Variants in KCNH7 observed in about 807,000 individuals in gnomAD.
KCNH7 encodes the protein potassium voltage-gated channel subfamily H member 7, also known as voltage-gated inwardly rectifying potassium channel KCNH7.
A neutral mutation model predicts 120.8 loss-of-function variants in KCNH7; 49 were observed. The observed-to-expected ratio is 0.41, with a 90% confidence interval of 0.32 to 0.51. The LOEUF (loss-of-function observed/expected upper bound fraction) is 0.51, where lower values mean the gene tolerates loss of function less well. Ranked by LOEUF, KCNH7 falls within the 20% of genes least tolerant of loss-of-function variation. The pLI, the probability that KCNH7 is intolerant of heterozygous loss-of-function variation, is 0.38. For synonymous variants in KCNH7, 547 were observed against 516.1 expected, an observed-to-expected ratio of 1.06 and a Z score of -0.81; for missense variants, 1,097 against 1,446.6, an observed-to-expected ratio of 0.76 and a Z score of 3.92.
chr2:162,646,070 T>C (rs1296199190), intron 2 of KCNH7, among the ~76,000 whole-genome samples: 2 of 152,222 alleles, frequency 1.3e-5, no homozygotes, highest in Non-Finnish European at 2.9e-5. Context: ...GAACTAGTTT[T>C]GTCAACTCAG....
At position 162,617,490 on chromosome 2, in the gene KCNH7, CA is replaced by C. The variant is rs113194420; in HGVS notation, c.308-80411del. Among the ~76,000 whole-genome samples the C allele has an allele frequency of 1.8e-3, 265 of 147,278 alleles. 1 individual carries two copies. Among genetic ancestry groups the C allele is most frequent in the East Asian group, 5.3e-3 (27 of 5,078 alleles). On this transcript the variant is annotated intron_variant, in intron 2 of 15. Coordinates refer to ENST00000332142, the MANE Select transcript of KCNH7 (RefSeq NM_033272.4). ...CGAGATTCCATCTCAAAAAACAAAA[CA>C]AAAAAAAAATAGAATTTAGAAAAGC... is the stretch of plus-strand genomic sequence containing the variant.
At chr2:162,637,766 T>A (rs1684012959) in intron 2 of KCNH7, among the ~76,000 whole-genome samples, 2 of 152,042 alleles carry the variant, frequency 1.3e-5, no homozygotes, top group Admixed American at 1.3e-4. Flanking sequence ...CTCTATCTGA[T>A]CTTGGGAAGA....
At chr2:162,790,203 A>G (rs1247576261) in intron 2 of KCNH7, among the ~76,000 whole-genome samples, 1 of 151,980 alleles carries the variant, frequency 6.6e-6, no homozygotes, top group Admixed American at 6.6e-5. Flanking sequence ...TATTTGTATA[A>G]TAATTCACCA....
At chr2:162,381,197 G>A (rs1245862521) in intron 13 of KCNH7, among the ~76,000 whole-genome samples, 1 of 152,014 alleles carries the variant, frequency 6.6e-6, no homozygotes, top group African/African-American at 2.4e-5. Flanking sequence ...ATTACAGAAA[G>A]TGATTTTGGT....
At chr2:162,443,977 G>A (rs1425515498) in intron 7 of KCNH7, among the ~76,000 whole-genome samples, 4 of 152,102 alleles carry the variant, frequency 2.6e-5, no homozygotes, top group Admixed American at 6.5e-5. Context: ...TGCTCTGCAC[G>A]GTGGTCTCAT....
chr2:162,689,200 G>A (rs546938405), intron 2 of KCNH7, among the ~76,000 whole-genome samples: 1 of 151,210 alleles, frequency 6.6e-6, no homozygotes, highest in South Asian at 2.1e-4. Flanking sequence ...TTGCAGGCTG[G>A]AGTGCAAAGG....
chr2:162,389,409 A>G (rs1686675141), intron 12 of KCNH7, among the ~76,000 whole-genome samples: 1 of 152,002 alleles, frequency 6.6e-6, no homozygotes, highest in South Asian at 2.1e-4. Flanking sequence ...TTCAAGTCCT[A>G]TATAATTGAG....
At chr2:162,621,458 AC>A (rs931832544) in intron 2 of KCNH7, among the ~76,000 whole-genome samples, 3 of 151,574 alleles carry the variant, frequency 2.0e-5, no homozygotes, top group African/African-American at 7.3e-5. Context: ...GAGGGCTGGA[AC>A]CTTTTAACAG....
chr2:162,721,875 G>A (rs1299313137), intron 2 of KCNH7, among the ~76,000 whole-genome samples: 1 of 151,914 alleles, frequency 6.6e-6, no homozygotes, highest in Non-Finnish European at 1.5e-5. Flanking sequence ...AAAAATGATG[G>A]CGGAATAACT....
intron 2 of KCNH7, among the ~76,000 whole-genome samples, chr2:162,570,023 A>T (rs1015637859): frequency 7.2e-5 from 10 of 138,490 alleles, no homozygotes; most frequent in Non-Finnish European, 1.5e-4. Context: ...TGGGGTGGAG[A>T]GTTCTGTAGA....
At chr2:162,442,474 T>C (rs780279889) in intron 7 of KCNH7, among the ~76,000 whole-genome samples, 72 of 152,142 alleles carry the variant, frequency 4.7e-4, no homozygotes, top group Non-Finnish European at 8.8e-5. Flanking sequence ...TATCTTAACA[T>C]TTAGGGAAAT....
intron 6 of KCNH7, among the ~76,000 whole-genome samples, chr2:162,489,909 G>A (rs1344834054): frequency 2.6e-5 from 4 of 152,168 alleles, no homozygotes; most frequent in Non-Finnish European, 5.9e-5. Flanking sequence ...TTGTACTCCT[G>A]CATTACATCC....
intron 2 of KCNH7, among the ~76,000 whole-genome samples, chr2:162,561,189 A>C (rs750918680): frequency 6.6e-6 from 1 of 152,084 alleles, no homozygotes; most frequent in Non-Finnish European, 1.5e-5. Context: ...TTATGTATCT[A>C]ATTTATATTG....
intron 2 of KCNH7, among the ~76,000 whole-genome samples, chr2:162,830,370 T>C (rs1043370429): frequency 1.3e-5 from 2 of 152,194 alleles, no homozygotes; most frequent in Non-Finnish European, 2.9e-5. Context: ...GGTGGCAATA[T>C]ATTCAACTAA....
rs115831778 is a variant in KCNH7 at position 162,579,303 on chromosome 2, T to C, written c.308-42223A>G. Among the ~76,000 whole-genome samples the C allele has an allele frequency of 4.6e-3, 697 of 152,064 alleles. 7 individuals are homozygous for C. The highest frequency in any genetic ancestry group is 0.016 in the African/African-American group (663 of 41,500). ...CCTTGTAGGCTGAGCCACTTTTTAG[T>C]CTCTCCCGGGAAATAGAAAAGGAAC... On this transcript the variant is annotated intron_variant, in intron 2 of 15. Coordinates refer to ENST00000332142, the MANE Select transcript of KCNH7 (RefSeq NM_033272.4).
At chr2:162,821,891 T>C (rs1255215532) in intron 2 of KCNH7, among the ~76,000 whole-genome samples, 3 of 151,966 alleles carry the variant, frequency 2.0e-5, no homozygotes, top group East Asian at 2.0e-4. Context: ...GAGGAACTTT[T>C]ACTTTCAGAC....
chr2:162,469,287 C>G (rs1689414757), intron 6 of KCNH7, among the ~76,000 whole-genome samples: 1 of 152,016 alleles, frequency 6.6e-6, no homozygotes, highest in South Asian at 2.1e-4. Context: ...TATTTTAGTA[C>G]CATAGGTAAC....
At chr2:162,500,980 C>T (rs2105744874) in intron 6 of KCNH7, among the ~76,000 whole-genome samples, 1 of 152,148 alleles carries the variant, frequency 6.6e-6, no homozygotes, top group East Asian at 1.9e-4. Flanking sequence ...GTATGTAATC[C>T]TATAAATGAG....
intron 2 of KCNH7, among the ~76,000 whole-genome samples, chr2:162,585,598 C>A (rs1177958503): frequency 2.0e-5 from 3 of 151,444 alleles, no homozygotes; most frequent in African/African-American, 7.3e-5. Flanking sequence ...ATTGATAAAG[C>A]ATTTCTAAAA....
Sources: gnomAD v4.1 joint callset for allele counts (sites outside exome capture counted in the v4.1 genomes callset) on GRCh38, gnomAD v4.1.1 for gene constraint, MANE v1.5 for transcripts, NCBI Gene and HGNC (gene_info 2026-07-23, HGNC 2026-07-21) for gene names.